The following FPR3 variants were observed in gnomAD, a reference collection of about 807,000 sequenced individuals.
The protein encoded by FPR3 is formyl peptide receptor 3, also known as N-formyl peptide receptor 3.
For missense variants in FPR3, 346 were observed against 443.2 expected, an observed-to-expected ratio of 0.78 and a Z score of 1.97; for synonymous variants, 135 against 163.6, an observed-to-expected ratio of 0.83 and a Z score of 1.34.
intron 1 of FPR3, among the ~76,000 whole-genome samples, chr19:51,807,640 G>T (rs1222365449): frequency 2.0e-5 from 3 of 152,204 alleles, no homozygotes; most frequent in African/African-American, 7.2e-5. Flanking sequence ...AGTAAAATAA[G>T]TCTGTCCACC....
At chr19:51,795,501 ATTCTT>A (rs1568425561) in intron 1 of FPR3, among the ~76,000 whole-genome samples, 170 bp downstream of exon 1, 14 of 77,092 alleles carry the variant, frequency 1.8e-4, no homozygotes, top group East Asian at 7.1e-4. Flanking sequence ...TTCCAGTAAC[ATTCTT>A]TTTTTTTTTT....
intron 1 of FPR3, among the ~76,000 whole-genome samples, chr19:51,802,205 A>G (rs1599829793): frequency 1.0e-5 from 1 of 96,874 alleles, no homozygotes; most frequent in Non-Finnish European, 2.4e-5. Context: ...CCCAAATCTG[A>G]AAAAAAAAAA....
chr19:51,795,486 A>G (rs1449888350), intron 1 of FPR3, among the ~76,000 whole-genome samples, 155 bp downstream of exon 1: 2 of 132,106 alleles, frequency 1.5e-5, no homozygotes, highest in African/African-American at 5.7e-5. Context: ...TAATTTGGTT[A>G]CATGTTCCAG....
chr19:51,798,086 TG>T (rs1321015512), intron 1 of FPR3, among the ~76,000 whole-genome samples: 1 of 151,734 alleles, frequency 6.6e-6, no homozygotes. Context: ...GAGGGGAAAA[TG>T]GGGGCTCAAA....
chr19:51,818,902 T>G (rs2084166290), intron 1 of FPR3, among the ~76,000 whole-genome samples: 2 of 152,276 alleles, frequency 1.3e-5, no homozygotes, highest in South Asian at 4.1e-4. Context: ...TGAAATATAA[T>G]TTGTCTGTGT....
At chr19:51,807,275 T>C (rs956061687) in intron 1 of FPR3, among the ~76,000 whole-genome samples, 10 of 152,190 alleles carry the variant, frequency 6.6e-5, no homozygotes, top group African/African-American at 2.4e-4. Flanking sequence ...GACTGCATTC[T>C]TAAAACAGTA....
In FPR3 at chr19:51,804,567, G is replaced by A. The variant is rs1049961935; in HGVS notation, c.-11+9236G>A. 4.6e-5 allele frequency among the ~76,000 whole-genome samples: 7 copies of A among 152,056 alleles called. No homozygotes were observed. In the East Asian group the frequency reaches 5.8e-4, roughly 13 times the overall value. ...AATTATGTAACAAAAGGATAAAAAG[G>A]CACTGATTTGGTTTTGTGCCTTTAC... is the stretch of plus-strand genomic sequence containing the variant. On this transcript the variant is annotated intron_variant, in intron 1 of 1. Coordinates refer to ENST00000339223, the MANE Select transcript of FPR3 (RefSeq NM_002030.5).
At chr19:51,805,505 C>T (rs1204703319) in intron 1 of FPR3, among the ~76,000 whole-genome samples, 3 of 152,154 alleles carry the variant, frequency 2.0e-5, no homozygotes, top group East Asian at 1.9e-4. Flanking sequence ...CAAGGTCCCA[C>T]GGATACTCAC....
chr19:51,798,192 C>G (rs912414620), intron 1 of FPR3, among the ~76,000 whole-genome samples: 3 of 152,060 alleles, frequency 2.0e-5, no homozygotes, highest in African/African-American at 7.2e-5. Flanking sequence ...ACTCTTTACA[C>G]TGTTACAGTG....
chr19:51,805,467 G>A (rs2084052058), intron 1 of FPR3, among the ~76,000 whole-genome samples: 2 of 152,316 alleles, frequency 1.3e-5, no homozygotes, highest in South Asian at 2.1e-4. Flanking sequence ...GATGTTGGAT[G>A]TGAAAGCTCC....
At chr19:51,823,122 T>G (rs1456545648) in intron 1 of FPR3, among the ~76,000 whole-genome samples, 3 of 152,078 alleles carry the variant, frequency 2.0e-5, no homozygotes, top group Non-Finnish European at 2.9e-5. Context: ...CTCAACCTCC[T>G]AAAGTGCTGG....
intron 1 of FPR3, among the ~76,000 whole-genome samples, chr19:51,797,637 T>A (rs1311959506): frequency 2.0e-5 from 3 of 152,110 alleles, no homozygotes; most frequent in Admixed American, 1.3e-4. Context: ...TATTAACACA[T>A]CCCATCCACA....
chr19:51,822,865 C>CT lies in FPR3; in HGVS notation c.-10-865dup, dbSNP rs202035775. Among the ~76,000 whole-genome samples the CT allele has an allele frequency of 9.2e-3, 1,393 of 151,048 alleles. 25 individuals are homozygous for CT. Among genetic ancestry groups the CT allele is most frequent in the African/African-American group, 0.032 (1,316 of 41,118 alleles). ...CTATAGGATGTAATATATTTCTGCT[C>CT]TTTTTTTTTGTGGGGGGAAATGGAA... On this transcript the variant is annotated intron_variant, in intron 1 of 1. Transcript: ENST00000339223.
rs765500141 is a variant in FPR3, at chr19:51,824,786, G to A, written c.1038G>A (p.Glu346=). ...ACACCACTTCTGCTTCACCTCCTGAGGAGACGGAGTTACAAGCAATGTGAG... is the reference window on the plus strand; with the variant it reads ...ACACCACTTCTGCTTCACCTCCTGAAGAGACGGAGTTACAAGCAATGTGAG... The part of the protein sequence containing the change: ...NTDTTSASPP[E]ETELQAM The change falls in exon 2 of 2, where the codon GAG becomes GAA. Residue 346 remains glutamate, a synonymous_variant. Transcript: ENST00000339223. This position sits in a 1 kb window ranked among gnomAD's most constrained non-coding sequence, Gnocchi z 4.7. The A allele has an allele frequency of 6.2e-7, 1 of 1,612,848 alleles. No homozygotes were observed. Among genetic ancestry groups the A allele is most frequent in the Admixed American group, 1.7e-5 (1 of 59,914 alleles).
Position 51,808,757 on chromosome 19 carries a change from G to C in FPR3, c.-11+13426G>C, listed in dbSNP as rs554405415. 3.9e-5 allele frequency among the ~76,000 whole-genome samples: 6 copies of C among 152,334 alleles called. No homozygotes were observed. The South Asian group carries it at 1.2e-3, about 32-fold the overall frequency. On this transcript the variant is annotated intron_variant, in intron 1 of 1. Coordinates refer to ENST00000339223, the MANE Select transcript of FPR3 (RefSeq NM_002030.5). ...TTTGTAAGGCACCCATCAGTTTTAT[G>C]TGTACATGAATAGCTCTTAAATCAT...
At position 51,814,956 on chromosome 19, in the gene FPR3, C is replaced by A. The variant is rs1326584562; in HGVS notation, c.-10-8783C>A. Reference sequence around the variant, plus strand: ...TCCAAAGTAGCTGGGACTACAGCCGCCTGCCACCACGTCTGGCTAATTTTC... The same window carrying A: ...TCCAAAGTAGCTGGGACTACAGCCGACTGCCACCACGTCTGGCTAATTTTC... On this transcript the variant is annotated intron_variant, in intron 1 of 1. Transcript: ENST00000339223. Among the ~76,000 whole-genome samples, 7 of 151,822 alleles carry A rather than the reference C, an allele frequency of 4.6e-5. No individual in the cohort carries two copies. The East Asian group carries it at 1.2e-3, about 25-fold the overall frequency.
At chr19:51,811,661 T>A (rs768398112) in intron 1 of FPR3, 2 of 152,204 alleles carry the variant, frequency 1.3e-5, no homozygotes, top group African/African-American at 4.8e-5. Context: ...TAACGTGCCA[T>A]GATCCCTGGT....
intron 1 of FPR3, among the ~76,000 whole-genome samples, chr19:51,807,947 G>A (rs1356609539): frequency 2.0e-5 from 3 of 152,222 alleles, no homozygotes; most frequent in Non-Finnish European, 4.4e-5. Flanking sequence ...TAGATAGAAA[G>A]AACCATTCTA....
At chr19:51,799,213 G>C (rs888345531) in intron 1 of FPR3, among the ~76,000 whole-genome samples, 6 of 152,060 alleles carry the variant, frequency 3.9e-5, no homozygotes, top group African/African-American at 9.7e-5. Context: ...CTCTGAGTGT[G>C]GCCTCCAGAT....
Sources: gnomAD v4.1 joint callset for allele counts (sites outside exome capture counted in the v4.1 genomes callset) on GRCh38, gnomAD v4.1.1 for gene constraint, Gnocchi (gnomAD v3.1) non-coding constraint, MANE v1.5 for transcripts, NCBI Gene and HGNC (gene_info 2026-07-23, HGNC 2026-07-21) for gene names.